The following HDAC11 variants were observed in gnomAD, a reference collection of about 807,000 sequenced individuals.
The protein encoded by HDAC11 is histone deacetylase 11.
In HDAC11, 23 loss-of-function variants were observed where a neutral mutation model predicts 41.1. The ratio of observed to expected loss-of-function variants is 0.56; its 90% CI spans 0.40 to 0.79. The LOEUF is 0.79. HDAC11 is among the 30% of genes least tolerant of loss of function. The pLI, the probability that HDAC11 is intolerant of heterozygous loss-of-function variation, is 0.00. For synonymous variants in HDAC11, 187 were observed against 186.6 expected, an observed-to-expected ratio of 1.00 and a Z score of -0.02; for missense variants, 402 against 477.3, an observed-to-expected ratio of 0.84 and a Z score of 1.47.
intron 3 of HDAC11, among the ~76,000 whole-genome samples, chr3:13,484,986 C>T (rs1397475512): frequency 6.6e-6 from 1 of 152,198 alleles, no homozygotes; most frequent in Non-Finnish European, 1.5e-5. Flanking sequence ...CCCCCAGGCT[C>T]CCTGGCTGAG....
chr3:13,486,223 C>T (rs1204953284), intron 3 of HDAC11, among the ~76,000 whole-genome samples: 11 of 137,112 alleles, frequency 8.0e-5, no homozygotes, highest in South Asian at 2.3e-4. Flanking sequence ...GCCGAGATTG[C>T]GCCATTGCAC....
At chr3:13,496,905 CCTT>C (rs1702127314) in intron 4 of HDAC11, 53 bp downstream of exon 4, 1 of 937,478 alleles carries the variant, frequency 1.1e-6, no homozygotes. Context: ...ACCCCAGGGT[CCTT>C]CTCACCTCCT....
At chr3:13,496,589 T>G in intron 3 of HDAC11, 147 bp from the exon 4 acceptor site, 1 of 596,112 alleles carries the variant, frequency 1.7e-6, no homozygotes, top group Non-Finnish European at 3.0e-6. Context: ...CTGGCTCTCA[T>G]TTCTACCAAA....
intron 3 of HDAC11, among the ~76,000 whole-genome samples, chr3:13,486,320 A>G (rs1183906155): frequency 6.6e-6 from 1 of 151,686 alleles, no homozygotes; most frequent in Admixed American, 6.6e-5. Flanking sequence ...CAGTCATTCA[A>G]CACATCTGTA....
rs1315316480 is a variant in HDAC11 at position 13,480,381 on chromosome 3, C to T, written c.2+32C>T. On this transcript the variant is annotated intron_variant, in intron 1 of 9. Coordinates refer to ENST00000295757, the MANE Select transcript of HDAC11 (RefSeq NM_024827.4). This position sits in a 1 kb window ranked among gnomAD's most constrained non-coding sequence, Gnocchi z 4.6. Reference sequence around the variant, plus strand: ...GCCGCGGGGCGAGGGCGGGGGTGGGCTCCCAGGGGTCCCGGTGGGCGGGCG... The same window carrying T: ...GCCGCGGGGCGAGGGCGGGGGTGGGTTCCCAGGGGTCCCGGTGGGCGGGCG... 4 of 1,189,846 alleles carry T rather than the reference C, an allele frequency of 3.4e-6. No individual in the cohort carries two copies. In the African/African-American group the frequency reaches 4.8e-5, roughly 14 times the overall value. 73.7% of individuals were successfully genotyped at this position (1,189,846 alleles called of 1,614,324 possible).
In HDAC11 at chr3:13,500,647, G is replaced by A. The variant is rs1702314562; in HGVS notation, c.413-66G>A. On this transcript the variant is annotated intron_variant, in intron 5 of 9. Transcript: ENST00000295757. ...AGGATGCTGGGGGAGGTGAAGGGAT[G>A]GAGGAGCTCCTGGACTGAGCCTGGG... The A allele has an allele frequency of 3.1e-6, 4 of 1,298,416 alleles. No individual in the cohort carries two copies. In the South Asian group the frequency reaches 5.1e-5, roughly 16 times the overall value. 80.4% of individuals were successfully genotyped at this position (1,298,416 alleles called of 1,614,324 possible). A position where few individuals can be genotyped will look rare whatever the true frequency, so the allele number is the denominator to read the frequency against.
chr3:13,493,048 A>G (rs1701936478), intron 3 of HDAC11, among the ~76,000 whole-genome samples: 1 of 152,188 alleles, frequency 6.6e-6, no homozygotes, highest in Non-Finnish European at 1.5e-5. Context: ...AGCCTCACCC[A>G]CAGTGCCCTT....
At chr3:13,481,848 A>G (rs1045494234) in intron 2 of HDAC11, among the ~76,000 whole-genome samples, 1 of 152,200 alleles carries the variant, frequency 6.6e-6, no homozygotes, top group Non-Finnish European at 1.5e-5. Context: ...CGGGGTAGGC[A>G]CCACAATCGC....
chr3:13,497,478 C>T (rs1227153500), intron 4 of HDAC11, among the ~76,000 whole-genome samples: 2 of 152,192 alleles, frequency 1.3e-5, no homozygotes, highest in African/African-American at 2.4e-5. Flanking sequence ...CCATGCCCAG[C>T]CCTAATGCAC....
chr3:13,481,208 C>A, intron 1 of HDAC11, 38 bp from the exon 2 acceptor site: 1 of 1,595,794 alleles, frequency 6.3e-7, no homozygotes, highest in Non-Finnish European at 8.5e-7. Context: ...TCTGCCGAGG[C>A]TGCCCCAGCT....
Position 13,501,853 on chromosome 3 carries a change from C to T in HDAC11, c.490-18C>T, listed in dbSNP as rs376464245. On this transcript the variant is annotated intron_variant, in intron 6 of 9. Transcript: ENST00000295757. ...TGTCCGCCCCAGATCCTCATGTCTA[C>T]CCTCTCCTCCCTGGCAGTTTCTGTT... 11 of 1,613,074 alleles carry T rather than the reference C, an allele frequency of 6.8e-6. No homozygotes were observed. The highest frequency in any genetic ancestry group is 9.3e-6 in the Non-Finnish European group (11 of 1,179,262).
At chr3:13,498,002 C>G (rs1702181094) in intron 4 of HDAC11, among the ~76,000 whole-genome samples, 3 of 151,594 alleles carry the variant, frequency 2.0e-5, no homozygotes, top group Admixed American at 2.0e-4. Flanking sequence ...ATTACAGGCA[C>G]ACGCCACTCT....
rs1701244219 is a variant in HDAC11, at chr3:13,480,361, G to T, written c.2+12G>T. 10 of 1,212,944 alleles carry T rather than the reference G, an allele frequency of 8.2e-6. No homozygotes were observed. The highest frequency in any genetic ancestry group is 3.2e-4 in the Middle Eastern group (1 of 3,104). 75.1% of individuals were successfully genotyped at this position (1,212,944 alleles called of 1,614,324 possible). A position where few individuals can be genotyped will look rare whatever the true frequency, so the allele number is the denominator to read the frequency against. ...GCCGGCCCCGGGATGTGAGTGCCGC[G>T]GGGCGAGGGCGGGGGTGGGCTCCCA... On this transcript the variant is annotated intron_variant, in intron 1 of 9. Transcript: ENST00000295757. This position sits in a 1 kb window ranked among gnomAD's most constrained non-coding sequence, Gnocchi z 4.6.
chr3:13,485,874 A>G (rs1259741406), intron 3 of HDAC11, among the ~76,000 whole-genome samples: 1 of 152,112 alleles, frequency 6.6e-6, no homozygotes, highest in Admixed American at 6.5e-5. Context: ...GTCCACTGAA[A>G]AAGTTAACCA....
At chr3:13,491,870 G>T (rs1701881840) in intron 3 of HDAC11, among the ~76,000 whole-genome samples, 1 of 152,254 alleles carries the variant, frequency 6.6e-6, no homozygotes. Flanking sequence ...CCCTAGAATG[G>T]TGGCTCTTAA....
chr3:13,500,759 T>A lies in HDAC11; in HGVS notation c.459T>A (p.Cys153Ter). ...HCSSDRGGGF[C>*]AYADITLAIK... ...CCAGCGACCGTGGCGGGGGCTTCTG[T>A]GCCTATGCGGACATCACGCTCGCCA... The change falls in exon 6 of 10, where the codon TGT (cysteine) becomes TGA (stop). Residue 153 changes from cysteine (C) to a stop codon, truncating the protein, a stop_gained. Coordinates refer to ENST00000295757, the MANE Select transcript of HDAC11 (RefSeq NM_024827.4). LOFTEE classifies it high-confidence loss of function. 6.3e-7 allele frequency: 1 copy of A among 1,587,392 alleles called. No homozygotes were observed.
intron 3 of HDAC11, among the ~76,000 whole-genome samples, chr3:13,489,770 G>A (rs968464497): frequency 1.3e-5 from 2 of 152,142 alleles, no homozygotes; most frequent in African/African-American, 4.8e-5. Context: ...GTTTCACCAT[G>A]TTGGCTAGGC....
intron 3 of HDAC11, among the ~76,000 whole-genome samples, chr3:13,484,878 G>C (rs1027693275): frequency 1.3e-5 from 2 of 152,120 alleles, no homozygotes. Flanking sequence ...AGGTTGGGGC[G>C]GGGGCTTGCA....
intron 6 of HDAC11, 69 bp downstream of exon 6, chr3:13,500,858 T>G (rs1266099037): frequency 1.2e-5 from 14 of 1,176,334 alleles, no homozygotes; most frequent in Non-Finnish European, 1.6e-5. Flanking sequence ...AGCTCCAAAT[T>G]AACTGTTCTC....
Sources: gnomAD v4.1 joint callset for allele counts (sites outside exome capture counted in the v4.1 genomes callset) on GRCh38, gnomAD v4.1.1 for gene constraint, Gnocchi (gnomAD v3.1) non-coding constraint, MANE v1.5 for transcripts, NCBI Gene and HGNC (gene_info 2026-07-23, HGNC 2026-07-21) for gene names.